Variants in UBAC1 observed in about 807,000 individuals in gnomAD.
UBAC1 encodes ubiquitin-associated domain-containing protein 1.
A neutral mutation model predicts 45.9 loss-of-function variants in UBAC1; 27 were observed. That is an observed-to-expected ratio of 0.59 (90% CI 0.43 to 0.81). The LOEUF (loss-of-function observed/expected upper bound fraction) is 0.81, where lower values mean the gene tolerates loss of function less well. Among genes scored for constraint, UBAC1 ranks in the 30% least tolerant of loss-of-function variants. The pLI is 0.00. For synonymous variants in UBAC1, 227 were observed against 215.5 expected (o/e 1.05, Z -0.47); for missense variants, 529 against 539.2 (o/e 0.98, Z 0.19).
intron 6 of UBAC1, chr9:135,945,680 G>C: frequency 1.7e-6 from 1 of 585,500 alleles, no homozygotes; most frequent in Non-Finnish European, 3.0e-6. Flanking sequence ...TCATACAACG[G>C]CCCAAAGAGA....
intron 1 of UBAC1, among the ~76,000 whole-genome samples, chr9:135,956,994 G>A (rs1004679164): frequency 6.6e-6 from 1 of 152,310 alleles, no homozygotes; most frequent in South Asian, 2.1e-4. Flanking sequence ...CCGGGCAGAC[G>A]CCCTGCTGGC....
chr9:135,939,609 CACTT>C lies in UBAC1; in HGVS notation c.963+60_963+63del, dbSNP rs1753647362. 120 of 1,527,702 alleles carry C rather than the reference CACTT, an allele frequency of 7.9e-5. No individual in the cohort carries two copies. The South Asian group carries it at 1.4e-3, about 18-fold the overall frequency. 94.6% of individuals were successfully genotyped at this position (1,527,702 alleles called of 1,614,324 possible). A position where few individuals can be genotyped will look rare whatever the true frequency, so the allele number is the denominator to read the frequency against. On this transcript the variant is annotated intron_variant, in intron 8 of 9. Transcript: ENST00000371756. ...GCCCACACTCACTCACCACAGCCCA[CACTT>C]ACCACAGCCCACACTCACTCACCAC...
intron 9 of UBAC1, among the ~76,000 whole-genome samples, chr9:135,935,082 A>AGAG (rs1047180062): frequency 2.0e-5 from 3 of 152,010 alleles, no homozygotes; most frequent in Non-Finnish European, 4.4e-5. Context: ...TTTTTAGTAG[A>AGAG]GAGGAGGTCC....
chr9:135,933,394 C>A lies in UBAC1; in HGVS notation c.*6G>T. ...GTGGCCTGATAGCCGAGTGGAACAA[C>A]GCCACCTACGTGCGATTTAGTGTCT... On this transcript the variant is annotated 3_prime_UTR_variant, in exon 10 of 10. Coordinates refer to ENST00000371756, the MANE Select transcript of UBAC1 (RefSeq NM_016172.3). The A allele has an allele frequency of 6.2e-7, 1 of 1,612,950 alleles. No homozygotes were observed. Among genetic ancestry groups the A allele is most frequent in the Non-Finnish European group, 8.5e-7 (1 of 1,178,966 alleles).
chr9:135,949,583 C>G (rs1397378905), intron 3 of UBAC1, among the ~76,000 whole-genome samples: 1 of 152,236 alleles, frequency 6.6e-6, no homozygotes, highest in African/African-American at 2.4e-5. Context: ...ATACGGCTGG[C>G]ACCCCCTCCA....
Position 135,958,607 on chromosome 9 carries a change from C to G in UBAC1, c.138+2418G>C, listed in dbSNP as rs187043423. On this transcript the variant is annotated intron_variant, in intron 1 of 9. Coordinates refer to ENST00000371756, the MANE Select transcript of UBAC1 (RefSeq NM_016172.3). ...GGAAAAGAGGAAGGAAAAAATCATG[C>G]CGGCGTCAGCACGCACTGGGGACCT... Among the ~76,000 whole-genome samples, 1,136 of 152,312 alleles carry G rather than the reference C, an allele frequency of 7.5e-3. 23 individuals are homozygous for G. The highest frequency in any genetic ancestry group is 6.5e-3 in the Admixed American group (99 of 15,300).
At chr9:135,941,435 TATGGTCCATCACA>T (rs1407313300) in intron 7 of UBAC1, among the ~76,000 whole-genome samples, 2 of 152,240 alleles carry the variant, frequency 1.3e-5, no homozygotes, top group African/African-American at 4.8e-5. Context: ...ATTTTCTATT[TATGGTCCATCACA>T]ATTGCCTTCC....
intron 7 of UBAC1, among the ~76,000 whole-genome samples, chr9:135,943,967 T>C (rs567889640): frequency 5.9e-4 from 90 of 152,062 alleles, no homozygotes; most frequent in African/African-American, 2.1e-3. Context: ...CCGGGGCCCA[T>C]CAGGGGGTCT....
chr9:135,937,318 G>A (rs146099279), intron 9 of UBAC1, among the ~76,000 whole-genome samples: 3,015 of 152,020 alleles, frequency 0.02, 38 homozygotes, highest in Non-Finnish European at 0.023. Context: ...GTGCACGCCT[G>A]TAATCCCAGG....
In UBAC1 at chr9:135,945,310, C is replaced by G. The variant is rs1054407450; in HGVS notation, c.654-60G>C. On this transcript the variant is annotated intron_variant, in intron 6 of 9. Transcript: ENST00000371756. ...ACTAACGGACCAGGGCCTTCGCCTCCTGTCCATTCCCAAGAAGAGCCTCTG... is the reference window on the plus strand; with the variant it reads ...ACTAACGGACCAGGGCCTTCGCCTCGTGTCCATTCCCAAGAAGAGCCTCTG... The G allele has an allele frequency of 8.6e-6, 12 of 1,394,982 alleles. No homozygotes were observed. The African/African-American group carries it at 1.6e-4, about 19-fold the overall frequency. The allele number at this position is 1,394,982 out of a possible 1,614,324, so 86.4% of individuals were successfully genotyped here.
At chr9:135,958,118 C>T (rs1006351629) in intron 1 of UBAC1, among the ~76,000 whole-genome samples, 1 of 150,554 alleles carries the variant, frequency 6.6e-6, no homozygotes. Flanking sequence ...TTGATCTCGG[C>T]TCACTGCAAG....
In UBAC1 at chr9:135,938,207, A is replaced by C; in HGVS notation, c.1102+15T>G. The C allele has an allele frequency of 6.2e-7, 1 of 1,612,500 alleles. No homozygotes were observed. Among genetic ancestry groups the C allele is most frequent in the Non-Finnish European group, 8.5e-7 (1 of 1,179,218 alleles). ...CTCCCCGACCCGAGACTTAGCATAAAGAAGGCGCACATACCTAGCAATGTT... is the reference window on the plus strand; with the variant it reads ...CTCCCCGACCCGAGACTTAGCATAACGAAGGCGCACATACCTAGCAATGTT... On this transcript the variant is annotated intron_variant, in intron 9 of 9. Coordinates refer to ENST00000371756, the MANE Select transcript of UBAC1 (RefSeq NM_016172.3).
At chr9:135,936,541 G>A (rs1839204837) in intron 9 of UBAC1, among the ~76,000 whole-genome samples, 1 of 151,270 alleles carries the variant, frequency 6.6e-6, no homozygotes, top group Admixed American at 6.6e-5. Context: ...TGACGCCCAG[G>A]CTAGAGTGCA....
At chr9:135,938,756 GCTC>G (rs1032341959) in intron 8 of UBAC1, among the ~76,000 whole-genome samples, 2 of 148,190 alleles carry the variant, frequency 1.3e-5, no homozygotes, top group Non-Finnish European at 3.0e-5. Context: ...GAGGACACAG[GCTC>G]CTCATCTCTG....
chr9:135,946,635 T>C (rs1839340465), intron 4 of UBAC1, among the ~76,000 whole-genome samples: 1 of 152,240 alleles, frequency 6.6e-6, no homozygotes, highest in Non-Finnish European at 1.5e-5. Flanking sequence ...GCCTGTGCCC[T>C]GTGAGGAAAC....
intron 3 of UBAC1, among the ~76,000 whole-genome samples, chr9:135,951,165 A>C (rs1260927748): frequency 1.3e-5 from 2 of 152,058 alleles, no homozygotes; most frequent in Non-Finnish European, 2.9e-5. Flanking sequence ...GGCTGGTCTC[A>C]AATTCCTGGA....
intron 9 of UBAC1, among the ~76,000 whole-genome samples, chr9:135,937,690 G>A (rs576125973): frequency 1.4e-4 from 22 of 152,318 alleles, no homozygotes; most frequent in South Asian, 1.0e-3. Flanking sequence ...CCACGGCGAC[G>A]GCCACACCGG....
chr9:135,958,281 T>C (rs1839491774), intron 1 of UBAC1, among the ~76,000 whole-genome samples: 1 of 152,150 alleles, frequency 6.6e-6, no homozygotes, highest in Non-Finnish European at 1.5e-5. Context: ...TCTCCTGACC[T>C]TGTGATCTGC....
At chr9:135,939,805 C>G (rs199527336) in intron 7 of UBAC1, 46 bp from the exon 8 acceptor site, 2 of 1,570,264 alleles carry the variant, frequency 1.3e-6, no homozygotes, top group Admixed American at 1.7e-5. Context: ...GGCAGGAGGC[C>G]GAGGAACCAG....
Sources: gnomAD v4.1 joint callset for allele counts (sites outside exome capture counted in the v4.1 genomes callset) on GRCh38, gnomAD v4.1.1 for gene constraint, MANE v1.5 for transcripts, NCBI Gene and HGNC (gene_info 2026-07-23, HGNC 2026-07-21) for gene names.